The following RALYL variants were observed in gnomAD, a reference collection of about 807,000 sequenced individuals.
The protein encoded by RALYL is RALY RNA binding protein like.
A neutral mutation model predicts 35.1 loss-of-function variants in RALYL; 29 were observed. That is an observed-to-expected ratio of 0.83 (90% confidence interval 0.61 to 1.13). RALYL has a LOEUF of 1.13. Ranked by LOEUF, RALYL falls within the 50% of genes most tolerant of loss-of-function variation. The pLI is 0.00. For missense variants in RALYL, 359 were observed against 360.4 expected (o/e 1.00, Z 0.03); for synonymous variants, 120 against 127.6 (o/e 0.94, Z 0.40).
intron 1 of RALYL, among the ~76,000 whole-genome samples, chr8:84,452,494 C>T (rs959630557): frequency 6.6e-6 from 1 of 151,716 alleles, no homozygotes; most frequent in African/African-American, 2.4e-5. Context: ...TATTAGGAAA[C>T]TTTTTTGGTT....
At chr8:84,555,633 TTTTAA>T (rs113148794) in intron 2 of RALYL, among the ~76,000 whole-genome samples, 3 of 152,366 alleles carry the variant, frequency 2.0e-5, no homozygotes, top group African/African-American at 7.2e-5. Context: ...TGTTTTGACA[TTTTAA>T]TTTAATAATA....
At chr8:84,312,371 C>T (rs1842974290) in intron 1 of RALYL, among the ~76,000 whole-genome samples, 1 of 152,132 alleles carries the variant, frequency 6.6e-6, no homozygotes, top group African/African-American at 2.4e-5. Flanking sequence ...ATTTCAAAAC[C>T]AGTCATGCCT....
chr8:84,255,519 T>C (rs903017472), intron 1 of RALYL, among the ~76,000 whole-genome samples: 2 of 152,156 alleles, frequency 1.3e-5, no homozygotes, highest in African/African-American at 4.8e-5. Context: ...CTTCAGATCA[T>C]TGATGGAAGT....
chr8:84,576,682 A>G (rs557896221), intron 2 of RALYL, among the ~76,000 whole-genome samples: 1 of 152,328 alleles, frequency 6.6e-6, no homozygotes, highest in Non-Finnish European at 1.5e-5. Flanking sequence ...AGCATTTTTT[A>G]AAGATTAAGT....
chr8:84,261,834 T>C (rs1168772795), intron 1 of RALYL, among the ~76,000 whole-genome samples: 1 of 152,090 alleles, frequency 6.6e-6, no homozygotes, highest in African/African-American at 2.4e-5. Context: ...TCTTAGTGTT[T>C]TTAAGATGTA....
chr8:84,597,864 A>T (rs745366366), intron 2 of RALYL, among the ~76,000 whole-genome samples: 1 of 152,158 alleles, frequency 6.6e-6, no homozygotes, highest in Admixed American at 6.5e-5. Context: ...CATAGAATCC[A>T]TGAAGTTTAA....
chr8:84,527,880 G>T (rs2059013488), intron 1 of RALYL, among the ~76,000 whole-genome samples: 1 of 151,990 alleles, frequency 6.6e-6, no homozygotes, highest in Non-Finnish European at 1.5e-5. Context: ...TCATTATAAG[G>T]AGATATTTAT....
intron 4 of RALYL, among the ~76,000 whole-genome samples, chr8:84,817,582 G>T (rs1056449717): frequency 4.7e-5 from 7 of 150,468 alleles, no homozygotes; most frequent in African/African-American, 1.7e-4. Flanking sequence ...TTGAGACAGG[G>T]TCTTACTCCA....
intron 6 of RALYL, among the ~76,000 whole-genome samples, chr8:84,863,621 T>C (rs1449505001): frequency 1.3e-5 from 2 of 152,220 alleles, no homozygotes; most frequent in Non-Finnish European, 2.9e-5. Context: ...CTATGTGCTA[T>C]CTGCTGTAGA....
chr8:84,570,956 T>C (rs1017705985), intron 2 of RALYL, among the ~76,000 whole-genome samples: 6 of 151,966 alleles, frequency 3.9e-5, no homozygotes, highest in Non-Finnish European at 7.4e-5. Context: ...AAATTATCTT[T>C]TCATGTGCTT....
At chr8:84,682,501 A>G (rs1564365880) in intron 2 of RALYL, among the ~76,000 whole-genome samples, 5 of 152,168 alleles carry the variant, frequency 3.3e-5, no homozygotes, top group Admixed American at 1.3e-4. Context: ...GCTATTAATT[A>G]TTGCCTCAAT....
At chr8:84,504,367 G>T (rs183079792) in intron 1 of RALYL, among the ~76,000 whole-genome samples, 1 of 151,990 alleles carries the variant, frequency 6.6e-6, no homozygotes, top group Admixed American at 6.6e-5. Context: ...TGTAATTTTC[G>T]TGGAACTGTG....
chr8:84,340,741 A>C (rs979699399), intron 1 of RALYL, among the ~76,000 whole-genome samples: 1 of 152,082 alleles, frequency 6.6e-6, no homozygotes, highest in African/African-American at 2.4e-5. Flanking sequence ...AGGTGTTTCC[A>C]TATCTTGGCT....
rs72696317 is a variant in RALYL at position 84,209,393 on chromosome 8, C to A, written c.-24+24969C>A. ...TAAAAAACACAAATTTAGAATCAGA[C>A]ATATCTAGACTCAGATACTAGCTTT... On this transcript the variant is annotated intron_variant, in intron 1 of 8. Coordinates refer to ENST00000521268, the MANE Select transcript of RALYL (RefSeq NM_173848.7). 2.5e-3 allele frequency among the ~76,000 whole-genome samples: 388 copies of A among 152,242 alleles called. 2 individuals carry two copies. Among genetic ancestry groups the A allele is most frequent in the Middle Eastern group, 6.8e-3 (2 of 294 alleles).
chr8:84,808,179 A>G (rs185726894), intron 4 of RALYL, among the ~76,000 whole-genome samples: 2 of 152,302 alleles, frequency 1.3e-5, no homozygotes, highest in Admixed American at 1.3e-4. Flanking sequence ...TGATTTATGT[A>G]TAAGACGAGA....
At chr8:84,310,241 A>G (rs1842513697) in intron 1 of RALYL, among the ~76,000 whole-genome samples, 1 of 151,392 alleles carries the variant, frequency 6.6e-6, no homozygotes, top group South Asian at 2.1e-4. Flanking sequence ...GGGTTTCACC[A>G]TGTTGTCCTG....
intron 3 of RALYL, among the ~76,000 whole-genome samples, chr8:84,776,905 C>T (rs890322450): frequency 3.9e-5 from 6 of 152,168 alleles, no homozygotes; most frequent in South Asian, 2.1e-4. Context: ...ATTTATCCTC[C>T]TTTTATCTGT....
intron 2 of RALYL, among the ~76,000 whole-genome samples, chr8:84,542,457 G>T: frequency 6.6e-6 from 1 of 152,122 alleles, no homozygotes; most frequent in Admixed American, 6.6e-5. Context: ...ATCTTGAATT[G>T]TAGTTCTCAT....
chr8:84,832,260 T>G (rs1384510262), intron 4 of RALYL, among the ~76,000 whole-genome samples: 1 of 152,188 alleles, frequency 6.6e-6, no homozygotes, highest in Non-Finnish European at 1.5e-5. Context: ...AGATAAAATC[T>G]GTAATCTCTT....
Sources: gnomAD v4.1 joint callset for allele counts (sites outside exome capture counted in the v4.1 genomes callset) on GRCh38, gnomAD v4.1.1 for gene constraint, MANE v1.5 for transcripts, NCBI Gene and HGNC (gene_info 2026-07-23, HGNC 2026-07-21) for gene names.